Variants in TYW1 observed in about 807,000 individuals in gnomAD.
The protein encoded by TYW1 is tRNA-yW synthesizing protein 1 homolog.
TYW1 carries 46 observed loss-of-function variants against 96.2 expected under a neutral mutation model. That is an observed-to-expected ratio of 0.48 (90% CI 0.38 to 0.61). TYW1 has a LOEUF of 0.61. TYW1 is among the 20% of genes least tolerant of loss of function. The pLI is 0.00. For missense variants in TYW1, 684 were observed against 909.6 expected, an observed-to-expected ratio of 0.75 and a Z score of 3.19; for synonymous variants, 274 against 323.0, an observed-to-expected ratio of 0.85 and a Z score of 1.63.
chr7:67,092,418 T>C (rs1246111343), intron 11 of TYW1, among the ~76,000 whole-genome samples: 1 of 152,092 alleles, frequency 6.6e-6, no homozygotes. Flanking sequence ...AAATCCTGCA[T>C]TGGCTACCCA....
intron 13 of TYW1, among the ~76,000 whole-genome samples, chr7:67,130,238 G>A (rs193073202): frequency 1.3e-5 from 2 of 151,852 alleles, no homozygotes; most frequent in East Asian, 3.9e-4. Context: ...AAAATCAGTT[G>A]GGTGTGGTGG....
At chr7:67,124,403 T>A (rs1324486603) in intron 13 of TYW1, among the ~76,000 whole-genome samples, 2 of 151,628 alleles carry the variant, frequency 1.3e-5, no homozygotes, top group African/African-American at 4.9e-5. Flanking sequence ...TGGCTAAAAA[T>A]ATTTTTTTTT....
chr7:67,094,605 A>G (rs760609449), intron 11 of TYW1, among the ~76,000 whole-genome samples: 23 of 151,448 alleles, frequency 1.5e-4, no homozygotes, highest in Non-Finnish European at 2.9e-4. Flanking sequence ...CGTAACTTAC[A>G]CTTTCGTATT....
At chr7:67,188,418 C>T (rs1471719458) in intron 14 of TYW1, among the ~76,000 whole-genome samples, 2 of 152,138 alleles carry the variant, frequency 1.3e-5, no homozygotes, top group Non-Finnish European at 2.9e-5. Flanking sequence ...TAACCTCAAA[C>T]CTCTCTAAGG....
intron 12 of TYW1, among the ~76,000 whole-genome samples, chr7:67,099,500 A>C (rs1017889064): frequency 7.2e-5 from 11 of 152,206 alleles, no homozygotes; most frequent in African/African-American, 2.4e-4. Flanking sequence ...GGCAGGTGGA[A>C]GTCAAGTTAG....
chr7:67,024,077 C>T (rs1349315553), intron 6 of TYW1, among the ~76,000 whole-genome samples: 4 of 152,088 alleles, frequency 2.6e-5, no homozygotes, highest in Non-Finnish European at 5.9e-5. Context: ...CCCCTGAGCC[C>T]AGCTCATGTC....
At chr7:67,038,643 C>A (rs545161042) in intron 7 of TYW1, among the ~76,000 whole-genome samples, 5 of 152,080 alleles carry the variant, frequency 3.3e-5, no homozygotes, top group African/African-American at 9.6e-5. Flanking sequence ...ATGGCTCACA[C>A]CTGTAATCCC....
chr7:67,233,783 G>T (rs1276416672), intron 15 of TYW1, among the ~76,000 whole-genome samples: 2 of 135,944 alleles, frequency 1.5e-5, no homozygotes. Context: ...TCTGAGCTGT[G>T]ATTATTCAGT....
intron 15 of TYW1, among the ~76,000 whole-genome samples, chr7:67,201,237 G>T (rs1346025733): frequency 6.8e-6 from 1 of 145,996 alleles, no homozygotes; most frequent in Non-Finnish European, 1.5e-5. Flanking sequence ...AGGCTGAGGC[G>T]GGAGACTCAC....
chr7:67,084,006 A>G (rs1358614180), intron 11 of TYW1, among the ~76,000 whole-genome samples: 1 of 152,172 alleles, frequency 6.6e-6, no homozygotes, highest in Admixed American at 6.5e-5. Context: ...CTCCACTCCA[A>G]CCTGGGCAAA....
chr7:67,007,623 C>A (rs1793645577), intron 3 of TYW1, among the ~76,000 whole-genome samples: 1 of 152,138 alleles, frequency 6.6e-6, no homozygotes, highest in East Asian at 1.9e-4. Context: ...TGTTTTCTGA[C>A]CCCCAAATAC....
chr7:67,135,614 T>G (rs542172515), intron 13 of TYW1, among the ~76,000 whole-genome samples: 43 of 152,066 alleles, frequency 2.8e-4, no homozygotes, highest in Admixed American at 2.6e-3. Context: ...ACAGTTTTTT[T>G]TTTTTTTTTA....
At chr7:67,226,445 C>T (rs184763352) in intron 15 of TYW1, among the ~76,000 whole-genome samples, 4 of 152,126 alleles carry the variant, frequency 2.6e-5, no homozygotes, top group East Asian at 1.9e-4. Context: ...CCACCCAGCT[C>T]GATAAACTGG....
chr7:67,062,566 C>CAAAAAAAAAAAAAAA (rs56770876), intron 9 of TYW1, among the ~76,000 whole-genome samples: 38 of 89,038 alleles, frequency 4.3e-4, no homozygotes, highest in Non-Finnish European at 5.5e-4. Context: ...GACTCCGTCT[C>CAAAAAAAAAAAAAAA]AAAAAAAAAA....
intron 13 of TYW1, among the ~76,000 whole-genome samples, chr7:67,118,578 G>A (rs1384095949): frequency 1.3e-5 from 2 of 151,716 alleles, no homozygotes; most frequent in Non-Finnish European, 2.9e-5. Context: ...ATGGAGGACC[G>A]ACTACACGTA....
chr7:67,175,532 G>A (rs1282491985), intron 13 of TYW1, among the ~76,000 whole-genome samples: 2 of 152,136 alleles, frequency 1.3e-5, no homozygotes, highest in Non-Finnish European at 2.9e-5. Context: ...TTACTCATAA[G>A]CATAGAAGCA....
At chr7:67,167,951 C>T (rs1397329117) in intron 13 of TYW1, among the ~76,000 whole-genome samples, 1 of 151,598 alleles carries the variant, frequency 6.6e-6, no homozygotes, top group Non-Finnish European at 1.5e-5. Flanking sequence ...GACGGGCTTT[C>T]ACCATCTTGG....
chr7:67,201,580 A>C (rs1226484454), intron 15 of TYW1, among the ~76,000 whole-genome samples: 2 of 151,412 alleles, frequency 1.3e-5, no homozygotes, highest in Non-Finnish European at 2.9e-5. Flanking sequence ...TGTTACTTGC[A>C]TATTTATTTT....
chr7:67,100,108 T>G (rs1584560498), intron 12 of TYW1, among the ~76,000 whole-genome samples: 1 of 152,062 alleles, frequency 6.6e-6, no homozygotes, highest in Non-Finnish European at 1.5e-5. Context: ...ACACTGAGGG[T>G]TCCAGCCATG....
Sources: allele counts gnomAD v4.1 joint callset (sites outside exome capture counted in the v4.1 genomes callset), GRCh38; gene constraint gnomAD v4.1.1; transcripts MANE v1.5; gene names NCBI Gene and HGNC (gene_info 2026-07-23, HGNC 2026-07-21).